The following FAT2 variants were observed in gnomAD, a reference collection of about 807,000 sequenced individuals.
The protein encoded by FAT2 is FAT atypical cadherin 2, also known as protocadherin Fat 2.
Under a neutral mutation model 295.3 loss-of-function variants are expected in FAT2, and 150 were observed. The ratio of observed to expected loss-of-function variants is 0.51; its 90% CI spans 0.44 to 0.58. The LOEUF (loss-of-function observed/expected upper bound fraction) is 0.58. Among genes scored for constraint, FAT2 ranks in the 20% least tolerant of loss-of-function variants. FAT2 has a pLI of 0.00. For missense variants in FAT2, 4,868 were observed against 5,442.7 expected, an observed-to-expected ratio of 0.89 and a Z score of 3.32; for synonymous variants, 2,026 against 2,150.3, an observed-to-expected ratio of 0.94 and a Z score of 1.60.
intron 17 of FAT2, among the ~76,000 whole-genome samples, chr5:151,526,668 A>C (rs2127585663): frequency 1.3e-5 from 2 of 152,324 alleles, no homozygotes; most frequent in South Asian, 4.1e-4. Context: ...TTAGTCAGGT[A>C]ACTTATTATT....
At position 151,505,517 on chromosome 5, in the gene FAT2, C is replaced by CAA. The variant is rs1760768230; in HGVS notation, c.*46_*47dup. 6.2e-7 allele frequency: 1 copy of CAA among 1,607,978 alleles called. No homozygotes were observed. Among genetic ancestry groups the CAA allele is most frequent in the Non-Finnish European group, 8.5e-7 (1 of 1,177,866 alleles). ...CCCTACGAGACAGGAAGAAATAAGC[C>CAA]AAGTCCAGTCCTTGGCCTCCCGCCT... On this transcript the variant is annotated 3_prime_UTR_variant, in exon 24 of 24. Coordinates refer to ENST00000261800, the MANE Select transcript of FAT2 (RefSeq NM_001447.3).
Position 151,549,457 on chromosome 5 carries a change from T to C in FAT2, c.4627A>G (p.Ile1543Val). The C allele has an allele frequency of 6.2e-7, 1 of 1,614,170 alleles. No individual in the cohort carries two copies. Among genetic ancestry groups the C allele is most frequent in the Non-Finnish European group, 8.5e-7 (1 of 1,180,026 alleles). Residue 1543 changes from isoleucine to valine, a missense_variant, in exon 9 of 24, where the codon ATT (isoleucine) becomes GTT (valine). By Grantham distance (29) the Ile-to-Val change is conservative (BLOSUM62 3). Around this residue, in one of 5 missense-constraint regions of FAT2, gnomAD observed 3,297 missense variants for 3,669.4 expected, o/e 0.90. Transcript: ENST00000261800. ...TGGAGGTTTCCATCCTCCACATGAA[T>C]GGTCACCCACACGAAGTTCCTCTTG... ...PIKRNFVWVT[I>V]HVEDGNLHPP...
At chr5:151,513,763 A>C (rs891618920) in intron 20 of FAT2, among the ~76,000 whole-genome samples, 7 of 152,186 alleles carry the variant, frequency 4.6e-5, no homozygotes, top group African/African-American at 1.7e-4. Flanking sequence ...GGAAGAAAAA[A>C]ATTATTTAAT....
At chr5:151,511,729 A>C in intron 21 of FAT2, 1 of 176,820 alleles carries the variant, frequency 5.7e-6, no homozygotes, top group Non-Finnish European at 1.2e-5. Flanking sequence ...CACTTATATA[A>C]ATTGGAAATT....
chr5:151,583,763 C>T (rs970571271), intron 1 of FAT2, among the ~76,000 whole-genome samples: 2 of 151,888 alleles, frequency 1.3e-5, no homozygotes, highest in African/African-American at 2.4e-5. Context: ...TTTGGGAAGC[C>T]GAGTTGGGTG....
intron 21 of FAT2, chr5:151,510,897 G>A (rs987179096): frequency 5.9e-5 from 9 of 152,382 alleles, no homozygotes; most frequent in Non-Finnish European, 8.8e-5. Flanking sequence ...ACACCAGGGT[G>A]GGCCAGCCTG....
At chr5:151,524,766 GCCA>G (rs1753821786) in intron 18 of FAT2, among the ~76,000 whole-genome samples, 1 of 152,028 alleles carries the variant, frequency 6.6e-6, no homozygotes, top group Admixed American at 6.5e-5. Context: ...CATACCTCAA[GCCA>G]CTTCAGGCTC....
rs56267278 is a variant in FAT2 at position 151,551,976 on chromosome 5, GGTGTGT to G, written c.4157-376_4157-371del. On this transcript the variant is annotated intron_variant, in intron 6 of 23. Transcript: ENST00000261800. ...AACAATACTTTAATATAACCCTAAGGGTGTGTGTGTGTGTGTGTGTGTGTGTGTGTG... is the reference window on the plus strand; with the variant it reads ...AACAATACTTTAATATAACCCTAAGGGTGTGTGTGTGTGTGTGTGTGTGTG... 1.4e-4 allele frequency among the ~76,000 whole-genome samples: 20 copies of G among 143,646 alleles called. No individual in the cohort carries two copies. In the East Asian group the frequency reaches 1.6e-3, roughly 12 times the overall value. The allele number at this position is 143,646 out of a possible 152,430, so 94.2% of individuals were successfully genotyped here.
chr5:151,548,771 G>A (rs1015289141), intron 9 of FAT2, among the ~76,000 whole-genome samples: 13 of 152,130 alleles, frequency 8.5e-5, no homozygotes, highest in Non-Finnish European at 1.5e-4. Context: ...GTGAGCCACC[G>A]CATCTGGCCA....
At chr5:151,547,560 AAAACTTTC>A (rs1424809105) in intron 9 of FAT2, among the ~76,000 whole-genome samples, 1 of 152,236 alleles carries the variant, frequency 6.6e-6, no homozygotes, top group Non-Finnish European at 1.5e-5. Flanking sequence ...GTTTTGTCAT[AAAACTTTC>A]AATCTGATTC....
chr5:151,541,559 A>AAT (rs887324104), intron 10 of FAT2, among the ~76,000 whole-genome samples: 167 of 152,216 alleles, frequency 1.1e-3, no homozygotes, highest in African/African-American at 3.7e-3. Context: ...TGTTCATGGG[A>AAT]ATGGGGGGAC....
upstream of FAT2, among the ~76,000 whole-genome samples, chr5:151,591,379 G>A (rs536214982): frequency 6.6e-6 from 1 of 152,188 alleles, no homozygotes; most frequent in Non-Finnish European, 1.5e-5. Flanking sequence ...GGAGAATTGA[G>A]GCGGATCATC....
rs1463368029 is a variant in FAT2, at chr5:151,534,488, G to T, written c.9348C>A (p.Ser3116Arg). ...TGTCGAAGACAGCCACAGCACAGTG[G>T]CTGGGGAAGAACCGCGGGGCATTGT... The part of the protein sequence containing the change: ...VNDNAPRFFP[S>R]HCAVAVFDNT... The change falls in exon 13 of 24, where the codon AGC (serine) becomes AGA (arginine). Residue 3116 changes from serine (S) to arginine (R), a missense_variant. By Grantham distance (110) the Ser-to-Arg change is moderately radical. Coordinates refer to ENST00000261800, the MANE Select transcript of FAT2 (RefSeq NM_001447.3). 1.2e-6 allele frequency: 2 copies of T among 1,614,060 alleles called. No individual in the cohort carries two copies. The highest frequency in any genetic ancestry group is 2.2e-5 in the East Asian group (1 of 44,866).
chr5:151,554,041 A>G lies in FAT2; in HGVS notation c.3945+321T>C, dbSNP rs2127629367. ...TGATAAAGGTTAAACGACTTGTCCA[A>G]CATCACACAGGTGTAAAATGGCAGT... On this transcript the variant is annotated intron_variant, in intron 5 of 23. Coordinates refer to ENST00000261800, the MANE Select transcript of FAT2 (RefSeq NM_001447.3). 2.0e-5 allele frequency among the ~76,000 whole-genome samples: 3 copies of G among 152,356 alleles called. No homozygotes were observed. The South Asian group carries it at 6.2e-4, about 32-fold the overall frequency.
intron 16 of FAT2, 111 bp from the exon 17 acceptor site, chr5:151,527,488 TGC>T: frequency 9.1e-7 from 1 of 1,101,318 alleles, no homozygotes; most frequent in Admixed American, 2.9e-5. Context: ...CACTTTCCTA[TGC>T]CCACCCCCAC....
Position 151,591,261 on chromosome 5 carries a change from AGAGACTCG to A in FAT2, c.-125_-118del, listed in dbSNP as rs528297756. 2.6e-4 allele frequency among the ~76,000 whole-genome samples: 40 copies of A among 152,326 alleles called. No homozygotes were observed. The highest frequency in any genetic ancestry group is 9.4e-4 in the African/African-American group (39 of 41,578). On this transcript the variant is annotated 5_prime_UTR_variant, in exon 1 of 24. Transcript: ENST00000261800. The stretch of plus-strand genomic sequence containing the variant: ...GCTGACAGGCTCCTGAGGGAGGTGC[AGAGACTCG>A]GAGCAGGAAGGCGCGCAGCCCGCAG...
In FAT2 at chr5:151,573,983, G is replaced by A. The variant is rs145853389; in HGVS notation, c.-20-5032C>T. On this transcript the variant is annotated intron_variant, in intron 1 of 23. Transcript: ENST00000261800. ...TGTAGGAGGATATTTGTCCTTGGGG[G>A]AGATAAGAAGCATTCTGAAGTCCCT... Among the ~76,000 whole-genome samples the A allele has an allele frequency of 7.1e-4, 108 of 152,304 alleles. 2 individuals carry two copies. The highest frequency in any genetic ancestry group is 2.5e-3 in the African/African-American group (102 of 41,568).
chr5:151,508,565 C>G (rs1459683154), intron 22 of FAT2, among the ~76,000 whole-genome samples: 7 of 152,130 alleles, frequency 4.6e-5, no homozygotes, highest in Non-Finnish European at 1.0e-4. Flanking sequence ...CAAAAATTAG[C>G]CAGGTGTTAT....
At chr5:151,560,031 T>A (rs1212256064) in intron 3 of FAT2, among the ~76,000 whole-genome samples, 1 of 152,192 alleles carries the variant, frequency 6.6e-6, no homozygotes, top group Non-Finnish European at 1.5e-5. Flanking sequence ...GACCCATATA[T>A]GACCTTTCAT....
Sources: allele counts gnomAD v4.1 joint callset (sites outside exome capture counted in the v4.1 genomes callset), GRCh38; gene constraint gnomAD v4.1.1; regional missense constraint gnomAD v4.1.1; transcripts MANE v1.5; gene names NCBI Gene and HGNC (gene_info 2026-07-23, HGNC 2026-07-21).